APBB1IP: variants seen among roughly 807,000 people sequenced by gnomAD.
APBB1IP encodes the protein amyloid beta precursor protein binding family B member 1 interacting protein, also known as amyloid beta A4 precursor protein-binding family B member 1-interacting protein.
A neutral mutation model predicts 64.9 loss-of-function variants in APBB1IP; 27 were observed. The ratio of observed to expected loss-of-function variants is 0.42; its 90% CI spans 0.31 to 0.57. The LOEUF is 0.57. APBB1IP is among the 20% of genes least tolerant of loss of function. The pLI, the probability that APBB1IP is intolerant of heterozygous loss-of-function variation, is 0.20. For synonymous variants in APBB1IP, 392 were observed against 331.0 expected, an observed-to-expected ratio of 1.18 and a Z score of -2.00; for missense variants, 812 against 845.5, an observed-to-expected ratio of 0.96 and a Z score of 0.49.
rs76850791 is a variant in APBB1IP at position 26,485,463 on chromosome 10, G to A, written c.1-6864G>A. Among the ~76,000 whole-genome samples the A allele has an allele frequency of 2.7e-3, 409 of 152,282 alleles. 1 individual carries two copies. The highest frequency in any genetic ancestry group is 9.1e-3 in the African/African-American group (378 of 41,546). ...TACTTAATCTCTCTGGGTTTCCAAC[G>A]ACGCATTTCTGAACACAAACATCAA... is the stretch of plus-strand genomic sequence containing the variant. On this transcript the variant is annotated intron_variant, in intron 2 of 14. Coordinates refer to ENST00000376236, the MANE Select transcript of APBB1IP (RefSeq NM_019043.4).
intron 5 of APBB1IP, among the ~76,000 whole-genome samples, chr10:26,502,847 C>G (rs1836123670): frequency 6.6e-6 from 1 of 152,144 alleles, no homozygotes; most frequent in Non-Finnish European, 1.5e-5. Flanking sequence ...GCGGATTTTT[C>G]TGGTCTAAAT....
Position 26,503,289 on chromosome 10 carries a change from C to T in APBB1IP, c.531+15C>T. The T allele has an allele frequency of 1.2e-6, 2 of 1,613,424 alleles. No homozygotes were observed. Among genetic ancestry groups the T allele is most frequent in the South Asian group, 2.2e-5 (2 of 91,072 alleles). ...AGGTTAAGAAGGTGAATCATGAATCCCTTTTGCATGGGGGCAGTTCAATTA... is the reference window on the plus strand; with the variant it reads ...AGGTTAAGAAGGTGAATCATGAATCTCTTTTGCATGGGGGCAGTTCAATTA... On this transcript the variant is annotated intron_variant, in intron 6 of 14. Coordinates refer to ENST00000376236, the MANE Select transcript of APBB1IP (RefSeq NM_019043.4).
At chr10:26,479,992 G>C (rs552912594) in intron 2 of APBB1IP, among the ~76,000 whole-genome samples, 3 of 152,264 alleles carry the variant, frequency 2.0e-5, no homozygotes, top group Middle Eastern at 3.4e-3. Context: ...CAAAGGCCCA[G>C]GCGACAGCTG....
chr10:26,565,285 T>C (rs1837027615), intron 14 of APBB1IP, among the ~76,000 whole-genome samples: 1 of 152,210 alleles, frequency 6.6e-6, no homozygotes, highest in Non-Finnish European at 1.5e-5. Context: ...CGCTTACTCC[T>C]GACACGAGCT....
intron 2 of APBB1IP, among the ~76,000 whole-genome samples, chr10:26,486,828 G>C (rs1262067576): frequency 2.6e-5 from 4 of 152,286 alleles, no homozygotes; most frequent in African/African-American, 9.6e-5. Context: ...TTTAAGGATT[G>C]AAAAACTGAA....
intron 4 of APBB1IP, among the ~76,000 whole-genome samples, chr10:26,497,744 T>C (rs1375435541): frequency 1.4e-5 from 2 of 141,146 alleles, no homozygotes; most frequent in South Asian, 2.5e-4. Context: ...TTTTTTTTTT[T>C]CAGGCAGAGT....
chr10:26,533,647 TAAAATC>T (rs1193228595), intron 9 of APBB1IP, 122 bp downstream of exon 9: 31 of 510,186 alleles, frequency 6.1e-5, no homozygotes, highest in East Asian at 3.4e-5. Flanking sequence ...GTTGGGGTGT[TAAAATC>T]AAATTATTTC....
rs112949623 is a variant in APBB1IP, at chr10:26,541,599, G to C, written c.1062G>C (p.Ala354=). The change falls in exon 11 of 15, where the codon GCG becomes GCC. Residue 354 remains alanine (A), a synonymous_variant. Transcript: ENST00000376236. ...KGKTKTSRDL[A]CFIQFENVNI... ...TCTTTCAGACATCTCGAGATCTGGC[G>C]TGTTTTATACAGTTTGAAAATGTCA... is the stretch of plus-strand genomic sequence containing the variant. 5.4e-5 allele frequency: 87 copies of C among 1,609,652 alleles called. No individual in the cohort carries two copies. The highest frequency in any genetic ancestry group is 6.8e-5 in the Non-Finnish European group (80 of 1,178,538).
chr10:26,443,360 G>T (rs1835356859), intron 2 of APBB1IP, among the ~76,000 whole-genome samples: 2 of 151,168 alleles, frequency 1.3e-5, no homozygotes, highest in Admixed American at 6.6e-5. Context: ...GGAGGTGGAG[G>T]TTGCAGTGAG....
At chr10:26,474,445 A>G (rs1041356993) in intron 2 of APBB1IP, among the ~76,000 whole-genome samples, 1 of 152,368 alleles carries the variant, frequency 6.6e-6, no homozygotes, top group Admixed American at 6.5e-5. Context: ...CTAATCGCCC[A>G]GGAAAATCTT....
At chr10:26,530,455 G>A (rs771838437) in intron 8 of APBB1IP, among the ~76,000 whole-genome samples, 3 of 151,996 alleles carry the variant, frequency 2.0e-5, no homozygotes, top group Non-Finnish European at 4.4e-5. Context: ...ACTTTGGGAG[G>A]CCGAGGCGGG....
chr10:26,504,721 T>A (rs28533087), intron 6 of APBB1IP, among the ~76,000 whole-genome samples: 3 of 150,620 alleles, frequency 2.0e-5, no homozygotes, highest in African/African-American at 4.9e-5. Flanking sequence ...AAAAAAAAAA[T>A]TAAAAAAAAA....
In APBB1IP at chr10:26,567,143, C is replaced by T; in HGVS notation, c.1656C>T (p.Asp552=). Residue 552 remains aspartate, a synonymous_variant, in exon 15 of 15, where the codon GAC becomes GAT. Transcript: ENST00000376236. ...GGGGCTTGCCCGCCCCACCCGACGACTTCCTGCCGCCGCCGCCACCGCCGC... is the reference window on the plus strand; with the variant it reads ...GGGGCTTGCCCGCCCCACCCGACGATTTCCTGCCGCCGCCGCCACCGCCGC... ...GGGGLPAPPD[D]FLPPPPPPPP... is the part of the protein sequence containing the mutation. The T allele has an allele frequency of 7.0e-7, 1 of 1,420,170 alleles. No individual in the cohort carries two copies. Among genetic ancestry groups the T allele is most frequent in the South Asian group, 1.4e-5 (1 of 69,860 alleles). 88.0% of individuals were successfully genotyped at this position (1,420,170 alleles called of 1,614,324 possible).
At chr10:26,449,029 G>A (rs1205274699) in intron 2 of APBB1IP, among the ~76,000 whole-genome samples, 1 of 152,184 alleles carries the variant, frequency 6.6e-6, no homozygotes, top group East Asian at 1.9e-4. Context: ...GAGGGCAGTA[G>A]TGCTAAGATT....
chr10:26,469,609 T>A (rs1835692698), intron 2 of APBB1IP, among the ~76,000 whole-genome samples: 1 of 152,208 alleles, frequency 6.6e-6, no homozygotes, highest in South Asian at 2.1e-4. Context: ...ATTTTTCAAC[T>A]TTTATTTTAG....
chr10:26,562,563 G>A (rs1836987540), intron 14 of APBB1IP, 134 bp downstream of exon 14: 1 of 658,002 alleles, frequency 1.5e-6, no homozygotes, highest in Admixed American at 2.6e-5. Context: ...ACTTTGGGAG[G>A]CTGAGGCAGG....
chr10:26,504,571 G>A (rs892451005), intron 6 of APBB1IP, among the ~76,000 whole-genome samples: 2 of 152,008 alleles, frequency 1.3e-5, no homozygotes, highest in African/African-American at 2.4e-5. Flanking sequence ...TTAGCTGGAC[G>A]CAGCGGTGTG....
intron 8 of APBB1IP, among the ~76,000 whole-genome samples, chr10:26,523,456 C>G (rs1291274235): frequency 6.6e-6 from 1 of 152,180 alleles, no homozygotes; most frequent in Non-Finnish European, 1.5e-5. Flanking sequence ...GGCCTTTGAG[C>G]CTTACCCTGG....
chr10:26,444,567 A>G (rs1036087501), intron 2 of APBB1IP, among the ~76,000 whole-genome samples: 2 of 152,192 alleles, frequency 1.3e-5, no homozygotes, highest in Non-Finnish European at 2.9e-5. Context: ...TCTGTGGCCT[A>G]AACAACTGGA....
Sources: allele counts gnomAD v4.1 joint callset (sites outside exome capture counted in the v4.1 genomes callset), GRCh38; gene constraint gnomAD v4.1.1; transcripts MANE v1.5; gene names NCBI Gene and HGNC (gene_info 2026-07-23, HGNC 2026-07-21).